Variants in CDH13 observed in about 807,000 individuals in gnomAD.
CDH13 encodes cadherin-13.
CDH13 carries 24 observed loss-of-function variants against 63.8 expected under a neutral mutation model. That is an observed-to-expected ratio of 0.38 (90% CI 0.27 to 0.53). CDH13 has a LOEUF of 0.53. Among genes scored for constraint, CDH13 ranks in the 20% least tolerant of loss-of-function variants. The probability of loss-of-function intolerance (pLI) is 0.85; values close to 1 mark genes in which losing one functional copy is unlikely to be tolerated. For missense variants in CDH13, 1,049 were observed against 903.1 expected (o/e 1.16, Z -2.07); for synonymous variants, 503 against 355.3 (o/e 1.42, Z -4.67).
At chr16:83,073,159 C>T (rs894291347) in intron 3 of CDH13, among the ~76,000 whole-genome samples, 1 of 152,040 alleles carries the variant, frequency 6.6e-6, no homozygotes, top group African/African-American at 2.4e-5. Flanking sequence ...TGAAATTATC[C>T]AGGCAGGCTT....
chr16:83,196,465 A>G (rs2038882851), intron 4 of CDH13, among the ~76,000 whole-genome samples: 1 of 152,194 alleles, frequency 6.6e-6, no homozygotes, highest in Non-Finnish European at 1.5e-5. Context: ...AACTTTTGCT[A>G]TGTGAAAAAT....
chr16:82,657,337 C>T (rs989385554), intron 1 of CDH13, among the ~76,000 whole-genome samples: 1 of 152,172 alleles, frequency 6.6e-6, no homozygotes, highest in Non-Finnish European at 1.5e-5. Context: ...GTAGCGCACT[C>T]ACCCTTCTCT....
chr16:83,108,792 C>G (rs778037299), intron 3 of CDH13, among the ~76,000 whole-genome samples: 1 of 152,164 alleles, frequency 6.6e-6, no homozygotes, highest in East Asian at 1.9e-4. Context: ...TATCACAAGC[C>G]TAGAGAATGT....
intron 10 of CDH13, among the ~76,000 whole-genome samples, chr16:83,747,621 C>T (rs924459770): frequency 6.6e-5 from 10 of 151,318 alleles, no homozygotes; most frequent in African/African-American, 2.4e-4. Context: ...CTATCTATTC[C>T]TCCTGTCTTG....
chr16:83,172,495 G>GA (rs367810976), intron 4 of CDH13, among the ~76,000 whole-genome samples: 6 of 148,756 alleles, frequency 4.0e-5, no homozygotes, highest in South Asian at 4.3e-4. Context: ...TCTCAAAAAA[G>GA]AAAAAAAAAG....
chr16:83,596,183 C>T (rs940227215), intron 7 of CDH13, among the ~76,000 whole-genome samples: 3 of 152,182 alleles, frequency 2.0e-5, no homozygotes, highest in Non-Finnish European at 4.4e-5. Context: ...AGTTCACTCA[C>T]CTAGTGACAG....
intron 3 of CDH13, among the ~76,000 whole-genome samples, chr16:83,060,987 C>A (rs781472827): frequency 2.0e-5 from 3 of 152,228 alleles, no homozygotes; most frequent in Non-Finnish European, 4.4e-5. Context: ...CTCCTACACT[C>A]CTGCAGAGGG....
At chr16:83,535,166 G>A (rs751916133) in intron 7 of CDH13, among the ~76,000 whole-genome samples, 4 of 152,234 alleles carry the variant, frequency 2.6e-5, no homozygotes, top group Non-Finnish European at 5.9e-5. Context: ...CATAAGGGGT[G>A]CTCCAGGCAG....
At chr16:82,776,956 ACATCTCATTTACATTT>A (rs2151106540) in intron 1 of CDH13, among the ~76,000 whole-genome samples, 1 of 152,302 alleles carries the variant, frequency 6.6e-6, no homozygotes, top group East Asian at 1.9e-4. Flanking sequence ...CTTTTCACAG[ACATCTCATTTACATTT>A]CCCAGAACAT....
intron 2 of CDH13, chr16:82,926,000 C>T (rs1224006267): frequency 2.0e-5 from 3 of 151,976 alleles, no homozygotes; most frequent in Non-Finnish European, 2.9e-5. Flanking sequence ...ACAGGATAAC[C>T]AGCAGGAGAG....
intron 2 of CDH13, among the ~76,000 whole-genome samples, chr16:82,881,948 C>G (rs183663276): frequency 6.6e-6 from 1 of 152,302 alleles, no homozygotes; most frequent in East Asian, 1.9e-4. Context: ...ACCTGCAGTA[C>G]TAATTCCTGT....
rs28392719 is a variant in CDH13, at chr16:83,071,999, C to G, written c.366+39781C>G. 1.2e-3 allele frequency among the ~76,000 whole-genome samples: 187 copies of G among 152,078 alleles called. 1 individual carries two copies. The highest frequency in any genetic ancestry group is 4.2e-3 in the African/African-American group (176 of 41,514). Reference sequence around the variant, plus strand: ...AAGCACATATGCAATTCTAAATTTTCTTGGATAAGCTTTTAAAAACTAAAA... The same window carrying G: ...AAGCACATATGCAATTCTAAATTTTGTTGGATAAGCTTTTAAAAACTAAAA... On this transcript the variant is annotated intron_variant, in intron 3 of 13. Transcript: ENST00000567109.
At chr16:82,918,853 C>G (rs550016779) in intron 2 of CDH13, among the ~76,000 whole-genome samples, 8 of 152,236 alleles carry the variant, frequency 5.3e-5, no homozygotes, top group Non-Finnish European at 8.8e-5. Flanking sequence ...TTGCTCCTCT[C>G]CAGAGTTTGT....
chr16:83,107,464 C>T (rs1464233856), intron 3 of CDH13, among the ~76,000 whole-genome samples: 3 of 152,214 alleles, frequency 2.0e-5, no homozygotes, highest in African/African-American at 7.2e-5. Flanking sequence ...GACACACTAT[C>T]TTCCAGGTAG....
At chr16:82,963,107 A>G (rs1405295764) in intron 2 of CDH13, among the ~76,000 whole-genome samples, 1 of 151,742 alleles carries the variant, frequency 6.6e-6, no homozygotes, top group Non-Finnish European at 1.5e-5. Flanking sequence ...GTGGTGGCTC[A>G]CACCTGTAAT....
Position 83,032,086 on chromosome 16 carries a change from T to C in CDH13, c.234T>C (p.Asp78=). 6.2e-7 allele frequency: 1 copy of C among 1,612,742 alleles called. No homozygotes were observed. Among genetic ancestry groups the C allele is most frequent in the Middle Eastern group, 1.7e-4 (1 of 6,058 alleles). ...VSSPYFKVNS[D]GGLVALRNIT... Reference sequence around the variant, plus strand: ...GCCCATACTTCAAGGTGAACAGCGATGGCGGCTTAGTTGCTCTGAGAAACA... The same window carrying C: ...GCCCATACTTCAAGGTGAACAGCGACGGCGGCTTAGTTGCTCTGAGAAACA... The change falls in exon 3 of 14, where the codon GAT becomes GAC. Residue 78 remains aspartate (D), a synonymous_variant. Coordinates refer to ENST00000567109, the MANE Select transcript of CDH13 (RefSeq NM_001257.5).
At chr16:83,249,705 G>A (rs748800925) in intron 5 of CDH13, among the ~76,000 whole-genome samples, 2 of 152,160 alleles carry the variant, frequency 1.3e-5, no homozygotes, top group Non-Finnish European at 2.9e-5. Context: ...GGATATGTCT[G>A]TCTCCAATTC....
chr16:83,163,058 G>T (rs2037514088), intron 4 of CDH13, among the ~76,000 whole-genome samples: 1 of 152,036 alleles, frequency 6.6e-6, no homozygotes, highest in Non-Finnish European at 1.5e-5. Context: ...CTGTTCTTGT[G>T]ATAGTGAATA....
At chr16:83,658,831 T>G (rs1193914729) in intron 8 of CDH13, among the ~76,000 whole-genome samples, 3 of 138,672 alleles carry the variant, frequency 2.2e-5, no homozygotes, top group Non-Finnish European at 4.7e-5. Flanking sequence ...CAAGGTCCCA[T>G]GTCCTCACCA....
Sources: allele counts gnomAD v4.1 joint callset (sites outside exome capture counted in the v4.1 genomes callset), GRCh38; gene constraint gnomAD v4.1.1; transcripts MANE v1.5; gene names NCBI Gene and HGNC (gene_info 2026-07-23, HGNC 2026-07-21).